Variants in PLEKHA1 observed in about 807,000 individuals in gnomAD.
PLEKHA1 encodes pleckstrin homology domain containing A1, also known as pleckstrin homology domain-containing family A member 1.
A neutral mutation model predicts 52.0 loss-of-function variants in PLEKHA1; 34 were observed. The ratio of observed to expected loss-of-function variants is 0.65; its 90% CI spans 0.50 to 0.87. The LOEUF (loss-of-function observed/expected upper bound fraction) is 0.87. Ranked by LOEUF, PLEKHA1 falls within the 40% of genes least tolerant of loss-of-function variation. The pLI, the probability that PLEKHA1 is intolerant of heterozygous loss-of-function variation, is 0.00. For missense variants in PLEKHA1, 497 were observed against 504.2 expected (o/e 0.99, Z 0.14); for synonymous variants, 163 against 170.7 (o/e 0.95, Z 0.35).
At chr10:122,422,849 C>T (rs2097279283) in intron 8 of PLEKHA1, 1 of 152,190 alleles carries the variant, frequency 6.6e-6, no homozygotes, top group South Asian at 2.1e-4. Flanking sequence ...GAAATACACA[C>T]TGAAGCGTTT....
chr10:122,428,101 C>T (rs2097366701), intron 11 of PLEKHA1, among the ~76,000 whole-genome samples: 1 of 152,202 alleles, frequency 6.6e-6, no homozygotes, highest in African/African-American at 2.4e-5. Flanking sequence ...ATGAGACTCT[C>T]TGCAAAAACA....
chr10:122,403,032 A>C (rs1180269031), intron 4 of PLEKHA1, among the ~76,000 whole-genome samples: 1 of 152,182 alleles, frequency 6.6e-6, no homozygotes, highest in Admixed American at 6.5e-5. Flanking sequence ...GCCCTACGAC[A>C]ATGCAAGAGA....
intron 7 of PLEKHA1, among the ~76,000 whole-genome samples, 169 bp from the exon 8 acceptor site, chr10:122,417,731 G>A (rs946776900): frequency 2.5e-4 from 38 of 152,010 alleles, no homozygotes; most frequent in Admixed American, 2.5e-3. Context: ...TCAAAGCCTG[G>A]GTAGCTAGAG....
chr10:122,398,970 G>T (rs933511573), intron 3 of PLEKHA1, among the ~76,000 whole-genome samples: 1 of 152,114 alleles, frequency 6.6e-6, no homozygotes, highest in African/African-American at 2.4e-5. Flanking sequence ...AATATTGTAT[G>T]GAAGCTCTTT....
chr10:122,391,053 T>C (rs1054940800), intron 1 of PLEKHA1, among the ~76,000 whole-genome samples: 1 of 152,150 alleles, frequency 6.6e-6, no homozygotes, highest in Non-Finnish European at 1.5e-5. Flanking sequence ...ACTGATGATA[T>C]TGAGTATCAA....
At chr10:122,440,931 G>A in the PLEKHA1 span, 10 of 152,138 alleles carry the variant, frequency 6.6e-5, no homozygotes, top group South Asian at 2.1e-4. Flanking sequence ...TTGGTTTTAC[G>A]TTTAATTTTA....
intron 5 of PLEKHA1, 193 bp from the exon 6 acceptor site, chr10:122,412,727 A>G (rs920401763): frequency 6.4e-5 from 38 of 595,706 alleles, no homozygotes; most frequent in Non-Finnish European, 9.1e-5. Flanking sequence ...TCATTACGTG[A>G]TAGCTATATT....
intron 5 of PLEKHA1, among the ~76,000 whole-genome samples, chr10:122,409,547 C>G (rs1192048864): frequency 2.0e-5 from 3 of 152,008 alleles, no homozygotes; most frequent in Non-Finnish European, 4.4e-5. Flanking sequence ...GAACAGAGAT[C>G]CATTATTTTT....
Position 122,374,737 on chromosome 10 carries a change from C to T in PLEKHA1, c.-90C>T, listed in dbSNP as rs1210405910. 1.3e-5 allele frequency: 2 copies of T among 151,738 alleles called. No homozygotes were observed. Among genetic ancestry groups the T allele is most frequent in the Non-Finnish European group, 2.9e-5 (2 of 67,940 alleles). 9.4% of individuals were successfully genotyped at this position (151,738 alleles called of 1,614,324 possible). A position where few individuals can be genotyped will look rare whatever the true frequency, so the allele number is the denominator to read the frequency against. ...TGCGCGGGCTGGCCGTCGCGGACGC[C>T]GCTCCGGGCAGCCGAGCCTCTGTGG... On this transcript the variant is annotated 5_prime_UTR_variant, in exon 1 of 12. Transcript: ENST00000368990.
At position 122,416,148 on chromosome 10, in the gene PLEKHA1, G is replaced by A. The variant is rs1054315276; in HGVS notation, c.612+146G>A. 6 of 946,182 alleles carry A rather than the reference G, an allele frequency of 6.3e-6. No homozygotes were observed. The African/African-American group carries it at 1.0e-4, about 16-fold the overall frequency. The allele number at this position is 946,182 out of a possible 1,614,324, so 58.6% of individuals were successfully genotyped here. On this transcript the variant is annotated intron_variant, in intron 7 of 11. Coordinates refer to ENST00000368990, the MANE Select transcript of PLEKHA1 (RefSeq NM_001001974.4). Reference sequence around the variant, plus strand: ...TGAGGAGAGTCAGGAGATAAAATAGGGGATATTCTCTGTTTATAATTCAAT... The same window carrying A: ...TGAGGAGAGTCAGGAGATAAAATAGAGGATATTCTCTGTTTATAATTCAAT...
intron 5 of PLEKHA1, among the ~76,000 whole-genome samples, chr10:122,407,752 G>A (rs1273609934): frequency 1.3e-5 from 2 of 151,788 alleles, no homozygotes; most frequent in Non-Finnish European, 2.9e-5. Context: ...TGTCAATTGC[G>A]TTTTTGTTTT....
rs139874755 is a variant in PLEKHA1, at chr10:122,384,337, G to A, written c.-20-8844G>A. Among the ~76,000 whole-genome samples, 24 of 152,224 alleles carry A rather than the reference G, an allele frequency of 1.6e-4. No homozygotes were observed. The East Asian group carries it at 3.5e-3, about 22-fold the overall frequency. ...TAAAAAACTTTATTTGGCTGGGCGC[G>A]GTGGCTCACGCCTGTAATCCCAGCA... On this transcript the variant is annotated intron_variant, in intron 1 of 11. Transcript: ENST00000368990.
chr10:122,388,738 A>C, intron 1 of PLEKHA1, among the ~76,000 whole-genome samples: 1 of 152,182 alleles, frequency 6.6e-6, no homozygotes, highest in East Asian at 1.9e-4. Flanking sequence ...ATGAGTTGTA[A>C]TTTTTTGCTA....
Position 122,400,236 on chromosome 10 carries a change from G to A in PLEKHA1, c.199-107G>A, listed in dbSNP as rs560581229. 1.7e-5 allele frequency: 14 copies of A among 808,102 alleles called. 1 individual carries two copies. In the Admixed American group the frequency reaches 4.1e-4, roughly 24 times the overall value. 50.1% of individuals were successfully genotyped at this position (808,102 alleles called of 1,614,324 possible). On this transcript the variant is annotated intron_variant, in intron 3 of 11. Transcript: ENST00000368990. Reference sequence around the variant, plus strand: ...TTAATTTTAAGTCTGTTTACTAAATGTGTATGATTATTGGGGAATCATACA... The same window carrying A: ...TTAATTTTAAGTCTGTTTACTAAATATGTATGATTATTGGGGAATCATACA...
chr10:122,401,839 G>A (rs1310698162), intron 4 of PLEKHA1, among the ~76,000 whole-genome samples: 1 of 152,138 alleles, frequency 6.6e-6, no homozygotes, highest in African/African-American at 2.4e-5. Context: ...GATACTTTTG[G>A]GAGTAGAATT....
chr10:122,376,830 T>A (rs924995454), intron 1 of PLEKHA1, among the ~76,000 whole-genome samples: 1 of 152,178 alleles, frequency 6.6e-6, no homozygotes, highest in African/African-American at 2.4e-5. Flanking sequence ...AAGAATAGCA[T>A]TGGATTCTTT....
intron 1 of PLEKHA1, among the ~76,000 whole-genome samples, chr10:122,377,197 G>A (rs560604448): frequency 6.6e-6 from 1 of 152,282 alleles, no homozygotes; most frequent in Admixed American, 6.5e-5. Flanking sequence ...GAATGGGGAA[G>A]ATAGTTTTCT....
chr10:122,425,543 A>C (rs1590930884), intron 10 of PLEKHA1: 1 of 151,828 alleles, frequency 6.6e-6, no homozygotes, highest in African/African-American at 2.4e-5. Flanking sequence ...ACATGGCAAA[A>C]CCCCATCTCT....
Position 122,431,237 on chromosome 10 carries a change from CAGCTTCCCGAGT to C in PLEKHA1, c.*1304_*1315del, listed in dbSNP as rs143086805. 0.093 allele frequency: 14,128 copies of C among 152,096 alleles called. 772 individuals carry two copies. Among genetic ancestry groups the C allele is most frequent in the Middle Eastern group, 0.17 (51 of 294 alleles). The allele number at this position is 152,096 out of a possible 1,614,324, so 9.4% of individuals were successfully genotyped here. A position where few individuals can be genotyped will look rare whatever the true frequency, so the allele number is the denominator to read the frequency against. On this transcript the variant is annotated 3_prime_UTR_variant, in exon 12 of 12. Transcript: ENST00000368990. ...GTGGGTTCAAACAGTTGTGCTGCCT[CAGCTTCCCGAGT>C]AGCTAGGATTACAGGTGCATGCCAC...
Sources: gnomAD v4.1 joint callset for allele counts (sites outside exome capture counted in the v4.1 genomes callset) on GRCh38, gnomAD v4.1.1 for gene constraint, MANE v1.5 for transcripts, NCBI Gene and HGNC (gene_info 2026-07-23, HGNC 2026-07-21) for gene names.